CLSTN2: variants seen among roughly 807,000 people sequenced by gnomAD.
The protein encoded by CLSTN2 is calsyntenin-2.
In CLSTN2, 48 loss-of-function variants were observed where a neutral mutation model predicts 101.2. That is an observed-to-expected ratio of 0.47 (90% CI 0.38 to 0.60). CLSTN2 has a LOEUF of 0.60. Ranked by LOEUF, CLSTN2 falls within the 20% of genes least tolerant of loss-of-function variation. The probability of loss-of-function intolerance (pLI) is 0.00; values close to 1 mark genes in which losing one functional copy is unlikely to be tolerated. For synonymous variants in CLSTN2, 481 were observed against 463.6 expected, an observed-to-expected ratio of 1.04 and a Z score of -0.48; for missense variants, 1,160 against 1,238.2, an observed-to-expected ratio of 0.94 and a Z score of 0.95.
intron 2 of CLSTN2, among the ~76,000 whole-genome samples, chr3:140,190,031 T>G (rs552820636): frequency 3.9e-4 from 59 of 152,254 alleles, no homozygotes; most frequent in African/African-American, 1.4e-3. Context: ...TTTAGCTAAG[T>G]CCTCACAGGG....
At chr3:140,135,105 C>CATAT (rs2009589677) in intron 1 of CLSTN2, among the ~76,000 whole-genome samples, 8 of 53,280 alleles carry the variant, frequency 1.5e-4, no homozygotes, top group African/African-American at 6.2e-4. Flanking sequence ...CACACACACA[C>CATAT]ACACACACAC....
chr3:140,476,175 A>T (rs1933978836), intron 8 of CLSTN2, among the ~76,000 whole-genome samples: 1 of 152,204 alleles, frequency 6.6e-6, no homozygotes, highest in South Asian at 2.1e-4. Flanking sequence ...ACGATATGAA[A>T]GGGCAAAAAA....
chr3:140,128,423 C>T (rs2009470016), intron 1 of CLSTN2, among the ~76,000 whole-genome samples: 1 of 152,076 alleles, frequency 6.6e-6, no homozygotes, highest in Non-Finnish European at 1.5e-5. Context: ...ATGGCACATT[C>T]AAATTAGGTA....
intron 2 of CLSTN2, among the ~76,000 whole-genome samples, chr3:140,227,140 C>T (rs1475066590): frequency 1.3e-5 from 2 of 152,194 alleles, no homozygotes; most frequent in African/African-American, 4.8e-5. Flanking sequence ...AGTCCAAAGT[C>T]TCATTCAAGG....
chr3:140,437,403 C>A (rs761115464), intron 5 of CLSTN2, among the ~76,000 whole-genome samples: 15 of 152,296 alleles, frequency 9.8e-5, no homozygotes, highest in Middle Eastern at 3.4e-3. Flanking sequence ...CCTTGGTGAG[C>A]TTCTAGGGAA....
chr3:140,183,611 C>G (rs1204445781), intron 2 of CLSTN2, among the ~76,000 whole-genome samples: 1 of 152,186 alleles, frequency 6.6e-6, no homozygotes, highest in Non-Finnish European at 1.5e-5. Context: ...GGTGCCCCTT[C>G]TTATAGATGG....
chr3:140,480,487 TA>T (rs1260884116), intron 8 of CLSTN2, among the ~76,000 whole-genome samples: 8 of 152,126 alleles, frequency 5.3e-5, no homozygotes, highest in Non-Finnish European at 1.2e-4. Context: ...GGTCAAATGG[TA>T]ATTTCTAGTT....
chr3:140,196,866 C>A (rs187574562), intron 2 of CLSTN2, among the ~76,000 whole-genome samples: 2 of 152,226 alleles, frequency 1.3e-5, no homozygotes, highest in African/African-American at 4.8e-5. Context: ...TTCTCTCCTG[C>A]TCTTGCACCT....
chr3:140,405,743 C>T (rs1472362237), intron 4 of CLSTN2, among the ~76,000 whole-genome samples: 1 of 152,190 alleles, frequency 6.6e-6, no homozygotes, highest in African/African-American at 2.4e-5. Flanking sequence ...AAACTCAGCC[C>T]ACTTTAGCTG....
chr3:140,489,863 C>T (rs972743468), intron 8 of CLSTN2, among the ~76,000 whole-genome samples: 12 of 150,964 alleles, frequency 7.9e-5, no homozygotes, highest in African/African-American at 1.5e-4. Flanking sequence ...GAAATAGAAA[C>T]GCTGAGTTTT....
In CLSTN2 at chr3:140,137,802, C is replaced by T. The variant is rs2009637504; in HGVS notation, c.110-38149C>T. The stretch of plus-strand genomic sequence containing the variant: ...GTAGAGCAGAGACTGCTTCCCTATT[C>T]CTCTGTCTTTCAGATGAGGAAGACA... On this transcript the variant is annotated intron_variant, in intron 1 of 16. Coordinates refer to ENST00000458420, the MANE Select transcript of CLSTN2 (RefSeq NM_022131.3). 2.6e-5 allele frequency among the ~76,000 whole-genome samples: 4 copies of T among 152,210 alleles called. 1 individual carries two copies. In the South Asian group the frequency reaches 8.3e-4, roughly 32 times the overall value.
At chr3:140,130,698 G>T (rs571240591) in intron 1 of CLSTN2, among the ~76,000 whole-genome samples, 38 of 152,314 alleles carry the variant, frequency 2.5e-4, no homozygotes, top group African/African-American at 8.2e-4. Context: ...CTTGGAGGAA[G>T]GATGAGGCTC....
At chr3:140,085,381 T>C (rs1174856859) in intron 1 of CLSTN2, among the ~76,000 whole-genome samples, 1 of 152,154 alleles carries the variant, frequency 6.6e-6, no homozygotes, top group Non-Finnish European at 1.5e-5. Flanking sequence ...CTTTCCTCAT[T>C]ACATATACGT....
intron 9 of CLSTN2, 108 bp from the exon 10 acceptor site, chr3:140,546,407 C>T (rs1935584055): frequency 1.8e-6 from 2 of 1,134,162 alleles, no homozygotes; most frequent in Non-Finnish European, 2.5e-6. Context: ...AGCTCAGGTT[C>T]AGGGGACACA....
At chr3:140,270,236 GT>G (rs1434154157) in intron 2 of CLSTN2, among the ~76,000 whole-genome samples, 4 of 152,156 alleles carry the variant, frequency 2.6e-5, no homozygotes, top group Admixed American at 1.3e-4. Context: ...CCTAACACAG[GT>G]GAGGAGATGT....
chr3:139,968,106 T>G (rs1935636175), intron 1 of CLSTN2, among the ~76,000 whole-genome samples: 1 of 152,192 alleles, frequency 6.6e-6, no homozygotes, highest in Non-Finnish European at 1.5e-5. Context: ...AATAAGACTC[T>G]CCTTTTGGAC....
At chr3:140,093,404 C>T (rs985651873) in intron 1 of CLSTN2, among the ~76,000 whole-genome samples, 8 of 152,270 alleles carry the variant, frequency 5.3e-5, no homozygotes, top group Admixed American at 2.0e-4. Context: ...CCCCAGTTAG[C>T]TGTCTCTTCC....
intron 1 of CLSTN2, among the ~76,000 whole-genome samples, chr3:140,009,360 A>G (rs2007024008): frequency 6.6e-6 from 1 of 152,238 alleles, no homozygotes; most frequent in Admixed American, 6.5e-5. Context: ...TACAAAAAAA[A>G]TTAGATAGTT....
At chr3:140,359,315 A>G (rs1004891810) in intron 2 of CLSTN2, among the ~76,000 whole-genome samples, 1 of 152,218 alleles carries the variant, frequency 6.6e-6, no homozygotes, top group Non-Finnish European at 1.5e-5. Flanking sequence ...TCTCAAATGC[A>G]AGGCTTAAAT....
Sources: allele counts gnomAD v4.1 joint callset (sites outside exome capture counted in the v4.1 genomes callset), GRCh38; gene constraint gnomAD v4.1.1; transcripts MANE v1.5; gene names NCBI Gene and HGNC (gene_info 2026-07-23, HGNC 2026-07-21).